The following AFG2A variants were observed in gnomAD, a reference collection of about 807,000 sequenced individuals.
AFG2A encodes ATPase family gene 2 protein homolog A.
the AFG2A span, among the ~76,000 whole-genome samples, chr4:123,059,117 CT>C: frequency 5.3e-5 from 6 of 114,140 alleles, no homozygotes; most frequent in South Asian, 2.8e-4. Context: ...GCAGTCAAAT[CT>C]TTTTTTTTTC....
At chr4:122,999,840 TG>T in the AFG2A span, among the ~76,000 whole-genome samples, 1 of 151,916 alleles carries the variant, frequency 6.6e-6, no homozygotes, top group Non-Finnish European at 1.5e-5. Context: ...TCCAATTCTG[TG>T]AAGAAAGTCA....
the AFG2A span, among the ~76,000 whole-genome samples, chr4:123,065,863 T>C: frequency 1.2e-4 from 18 of 152,094 alleles, no homozygotes; most frequent in Admixed American, 9.2e-4. Flanking sequence ...GTTTAGGAGA[T>C]AGGGAAATGA....
chr4:123,073,922 G>A, the AFG2A span, among the ~76,000 whole-genome samples: 1 of 152,084 alleles, frequency 6.6e-6, no homozygotes, highest in Non-Finnish European at 1.5e-5. Flanking sequence ...GTCACTGATT[G>A]CAGAAGTTAT....
chr4:123,275,216 C>G, the AFG2A span, among the ~76,000 whole-genome samples: 3 of 152,232 alleles, frequency 2.0e-5, no homozygotes, highest in African/African-American at 7.2e-5. Flanking sequence ...ATTCACTTTT[C>G]TGGTAAATGA....
chr4:123,163,037 T>C, the AFG2A span, among the ~76,000 whole-genome samples: 140 of 152,338 alleles, frequency 9.2e-4, 3 homozygotes, highest in East Asian at 0.016. Context: ...ATGTGGACTT[T>C]GGAATCAGAC....
At chr4:123,039,738 T>G in the AFG2A span, among the ~76,000 whole-genome samples, 1 of 151,756 alleles carries the variant, frequency 6.6e-6, no homozygotes, top group South Asian at 2.1e-4. Context: ...GCTGTAAAAA[T>G]GATTGTGCAA....
At chr4:123,216,806 C>T in the AFG2A span, among the ~76,000 whole-genome samples, 1 of 152,012 alleles carries the variant, frequency 6.6e-6, no homozygotes, top group South Asian at 2.1e-4. Flanking sequence ...AGGTGCACAC[C>T]ACTTTGCCTT....
the AFG2A span, among the ~76,000 whole-genome samples, chr4:123,198,098 G>A: frequency 5.3e-5 from 8 of 151,936 alleles, no homozygotes; most frequent in Non-Finnish European, 8.8e-5. Flanking sequence ...GTGAAATCCC[G>A]TATCTGCTAA....
the AFG2A span, among the ~76,000 whole-genome samples, chr4:123,116,264 A>G: frequency 3.9e-5 from 6 of 152,228 alleles, no homozygotes; most frequent in African/African-American, 1.4e-4. Context: ...TCATATAAAC[A>G]AAAACAACAG....
chr4:122,955,035 C>A, the AFG2A span, among the ~76,000 whole-genome samples: 12 of 152,108 alleles, frequency 7.9e-5, no homozygotes, highest in Non-Finnish European at 1.6e-4. Context: ...CTGGGTTCAC[C>A]AGTTGTGGTA....
chr4:123,131,394 T>C, the AFG2A span, among the ~76,000 whole-genome samples: 1 of 152,296 alleles, frequency 6.6e-6, no homozygotes, highest in South Asian at 2.1e-4. Context: ...TAGCAGTTTC[T>C]AAGTTTACAG....
chr4:123,160,790 A>G, the AFG2A span, among the ~76,000 whole-genome samples: 1 of 152,216 alleles, frequency 6.6e-6, no homozygotes, highest in Admixed American at 6.5e-5. Flanking sequence ...GTCTGAAACC[A>G]TGGGTTATAT....
chr4:123,098,688 G>A, the AFG2A span, among the ~76,000 whole-genome samples: 1 of 151,956 alleles, frequency 6.6e-6, no homozygotes, highest in Non-Finnish European at 1.5e-5. Context: ...TGTCACAAAT[G>A]ACAGGATTTC....
the AFG2A span, among the ~76,000 whole-genome samples, chr4:123,088,645 A>G: frequency 6.6e-6 from 1 of 152,076 alleles, no homozygotes; most frequent in African/African-American, 2.4e-5. Flanking sequence ...TCCCCCTTTC[A>G]GTTCTCATGA....
chr4:123,130,810 A>G, the AFG2A span, among the ~76,000 whole-genome samples: 5 of 152,174 alleles, frequency 3.3e-5, no homozygotes, highest in Non-Finnish European at 5.9e-5. Flanking sequence ...AATTAACTGT[A>G]TGCTTAATTT....
At chr4:123,300,942 G>A in the AFG2A span, among the ~76,000 whole-genome samples, 1 of 151,958 alleles carries the variant, frequency 6.6e-6, no homozygotes, top group Non-Finnish European at 1.5e-5. Flanking sequence ...TGTATTTTCT[G>A]TACTCCCCAA....
chr4:123,025,939 C>T, the AFG2A span, among the ~76,000 whole-genome samples: 120 of 152,094 alleles, frequency 7.9e-4, no homozygotes, highest in African/African-American at 2.5e-3. Flanking sequence ...TGGAGCATCT[C>T]GTAAATTTCA....
At chr4:123,308,521 A>G in the AFG2A span, among the ~76,000 whole-genome samples, 2 of 152,226 alleles carry the variant, frequency 1.3e-5, no homozygotes, top group East Asian at 3.9e-4. Flanking sequence ...TGGGAACCCT[A>G]TTGTGAACTG....
the AFG2A span, among the ~76,000 whole-genome samples, chr4:123,021,525 T>C: frequency 6.6e-6 from 1 of 152,216 alleles, no homozygotes; most frequent in Non-Finnish European, 1.5e-5. Flanking sequence ...TGGATCTTAA[T>C]AGACTATAAG....
Sources: gnomAD v4.1 joint callset for allele counts (sites outside exome capture counted in the v4.1 genomes callset) on GRCh38, gnomAD v4.1.1 for gene constraint, MANE v1.5 for transcripts, NCBI Gene and HGNC (gene_info 2026-07-23, HGNC 2026-07-21) for gene names.